The following DLC1 variants were observed in gnomAD, a reference collection of about 807,000 sequenced individuals.
The protein encoded by DLC1 is rho GTPase-activating protein 7.
Under a neutral mutation model 140.3 loss-of-function variants are expected in DLC1, and 54 were observed. The ratio of observed to expected loss-of-function variants is 0.38; its 90% CI spans 0.31 to 0.48. The LOEUF (loss-of-function observed/expected upper bound fraction) is 0.48, where lower values mean the gene tolerates loss of function less well. DLC1 is among the 20% of genes least tolerant of loss of function. The pLI, the probability that DLC1 is intolerant of heterozygous loss-of-function variation, is 0.96. For synonymous variants in DLC1, 986 were observed against 728.1 expected (o/e 1.35, Z -5.70); for missense variants, 2,536 against 1,907.0 (o/e 1.33, Z -6.14).
At chr8:13,579,369 A>T (rs1563454138) in intron 1 of DLC1, among the ~76,000 whole-genome samples, 10 of 59,864 alleles carry the variant, frequency 1.7e-4, no homozygotes, top group African/African-American at 6.0e-4. Flanking sequence ...ATATTTTTAT[A>T]TAATACATAT....
chr8:13,428,139 G>A (rs1838682367), intron 2 of DLC1, among the ~76,000 whole-genome samples: 1 of 152,120 alleles, frequency 6.6e-6, no homozygotes, highest in South Asian at 2.1e-4. Flanking sequence ...GGCGTGTGTT[G>A]TACTAGTGTA....
In DLC1 at chr8:13,443,845, A is replaced by C. The variant is rs777268174; in HGVS notation, c.1024-42226T>G. Among the ~76,000 whole-genome samples, 27 of 152,116 alleles carry C rather than the reference A, an allele frequency of 1.8e-4. 1 individual carries two copies. Among genetic ancestry groups the C allele is most frequent in the Non-Finnish European group, 3.8e-4 (26 of 68,014 alleles). ...ATTTTTATGGCATGTCTTTGCTATTAGGCGGCTGTGTTCCTAAAACAAACG... is the reference window on the plus strand; with the variant it reads ...ATTTTTATGGCATGTCTTTGCTATTCGGCGGCTGTGTTCCTAAAACAAACG... On this transcript the variant is annotated intron_variant, in intron 2 of 17. Transcript: ENST00000276297.
At chr8:13,214,557 C>CT (rs34727279) in intron 5 of DLC1, 154,530 of 574,668 alleles carry the variant, frequency 0.27, 12,745 homozygotes, top group East Asian at 0.4. Flanking sequence ...CCAACCCCAC[C>CT]TTTTTTTTTT....
rs1469940180 is a variant in DLC1, at chr8:13,567,315, A to G, written c.-126+37222T>C. The G allele has an allele frequency of 4.5e-6, 7 of 1,551,636 alleles. No individual in the cohort carries two copies. The African/African-American group carries it at 9.6e-5, about 21-fold the overall frequency. ...GGCACCAACCAGACACCAAACTTCCAACAGAAATCACTCGGGTATCAGATG... is the reference window on the plus strand; with the variant it reads ...GGCACCAACCAGACACCAAACTTCCGACAGAAATCACTCGGGTATCAGATG... On this transcript the variant is annotated intron_variant, in intron 1 of 1. Coordinates refer to the DLC1 transcript ENST00000631382.
chr8:13,443,760 C>A (rs1798652355), intron 2 of DLC1, among the ~76,000 whole-genome samples: 1 of 152,002 alleles, frequency 6.6e-6, no homozygotes, highest in Non-Finnish European at 1.5e-5. Flanking sequence ...ACAATACTTT[C>A]CCCAGGCTTT....
intron 4 of DLC1, among the ~76,000 whole-genome samples, chr8:13,365,145 C>T (rs930756671): frequency 1.3e-5 from 2 of 152,210 alleles, no homozygotes; most frequent in East Asian, 1.9e-4. Context: ...GTCACAACCT[C>T]TATCCTGTTA....
chr8:13,387,169 A>G (rs932913284), intron 4 of DLC1, among the ~76,000 whole-genome samples: 9 of 152,032 alleles, frequency 5.9e-5, no homozygotes, highest in Admixed American at 3.9e-4. Flanking sequence ...AGCTAATAAT[A>G]ACATATGTGA....
chr8:13,523,350 A>G (rs1300231736), intron 1 of DLC1, among the ~76,000 whole-genome samples: 4 of 152,212 alleles, frequency 2.6e-5, no homozygotes, highest in African/African-American at 9.6e-5. Flanking sequence ...AGCAACTGAA[A>G]GATGGAGTCA....
Position 13,327,264 on chromosome 8 carries a change from C to A in DLC1, c.1315-21962G>T, listed in dbSNP as rs187437321. ...CTGGGATTACAGGCGTGAGCCACTGCGCCCGGCCCCACTTGCAGTTTTAGG... is the reference window on the plus strand; with the variant it reads ...CTGGGATTACAGGCGTGAGCCACTGAGCCCGGCCCCACTTGCAGTTTTAGG... On this transcript the variant is annotated intron_variant, in intron 4 of 17. Transcript: ENST00000276297. Among the ~76,000 whole-genome samples, 508 of 151,702 alleles carry A rather than the reference C, an allele frequency of 3.3e-3. 4 individuals are homozygous for A. The highest frequency in any genetic ancestry group is 6.8e-3 in the Middle Eastern group (2 of 292).
chr8:13,426,777 T>TTA (rs200569251), intron 2 of DLC1, among the ~76,000 whole-genome samples: 2 of 150,412 alleles, frequency 1.3e-5, no homozygotes, highest in Admixed American at 6.6e-5. Context: ...TGCCTCGTTC[T>TTA]TATATATATA....
In DLC1 at chr8:13,587,581, A is replaced by T. The variant is rs556135504; in HGVS notation, c.-126+16956T>A. 5.7e-3 allele frequency among the ~76,000 whole-genome samples: 753 copies of T among 132,092 alleles called. 2 individuals are homozygous for T. The highest frequency in any genetic ancestry group is 0.02 in the Middle Eastern group (5 of 252). 86.7% of individuals were successfully genotyped at this position (132,092 alleles called of 152,430 possible). On this transcript the variant is annotated intron_variant, in intron 1 of 1. Transcript: ENST00000631382. ...CACACACACACACAGAGAGAGAGAA[A>T]ATATATATATATATACATTGCATAT...
At position 13,083,710 on chromosome 8, in the gene DLC1, A is replaced by C. The variant is rs1817328619; in HGVS notation, c.*2101T>G. 1 of 152,640 alleles carries C rather than the reference A, an allele frequency of 6.6e-6. No homozygotes were observed. Among genetic ancestry groups the C allele is most frequent in the East Asian group, 1.9e-4 (1 of 5,188 alleles). The allele number at this position is 152,640 out of a possible 1,614,324, so 9.5% of individuals were successfully genotyped here. A position where few individuals can be genotyped will look rare whatever the true frequency, so the allele number is the denominator to read the frequency against. ...CCTAACTGGACCTTTGTTGGAGAGA[A>C]TCTCCGTGCTTCCTGAACCTTCACC... On this transcript the variant is annotated 3_prime_UTR_variant, in exon 18 of 18. Coordinates refer to ENST00000276297, the MANE Select transcript of DLC1 (RefSeq NM_182643.3).
intron 1 of DLC1, among the ~76,000 whole-genome samples, chr8:13,579,025 CA>C (rs925992432): frequency 6.6e-6 from 1 of 151,540 alleles, no homozygotes; most frequent in Non-Finnish European, 1.5e-5. Context: ...CAGAAGCCCA[CA>C]AGCAATCACT....
chr8:13,154,705 G>A (rs917248670), intron 5 of DLC1, among the ~76,000 whole-genome samples: 2 of 152,208 alleles, frequency 1.3e-5, no homozygotes, highest in African/African-American at 4.8e-5. Context: ...GCTGAGGCCT[G>A]AGGAGGCGCC....
chr8:13,557,119 C>T lies in DLC1; in HGVS notation c.-126+47418G>A, dbSNP rs527495788. ...GGGAACTCTGAATGTTATTCTATTT[C>T]TAGGGAATTTCAGTGGCTTAATCAA... On this transcript the variant is annotated intron_variant, in intron 1 of 1. Transcript: ENST00000631382. Among the ~76,000 whole-genome samples the T allele has an allele frequency of 3.9e-5, 6 of 152,280 alleles. No homozygotes were observed. In the South Asian group the frequency reaches 1.2e-3, roughly 32 times the overall value.
chr8:13,226,860 C>T (rs1479867602), intron 5 of DLC1, among the ~76,000 whole-genome samples: 1 of 152,126 alleles, frequency 6.6e-6, no homozygotes, highest in South Asian at 2.1e-4. Flanking sequence ...GTAGATTGTC[C>T]TGGGTATAGC....
At chr8:13,597,697 A>T (rs1448295125) in intron 1 of DLC1, among the ~76,000 whole-genome samples, 1 of 152,088 alleles carries the variant, frequency 6.6e-6, no homozygotes, top group Non-Finnish European at 1.5e-5. Flanking sequence ...TGACATTATG[A>T]TACAGAAAAT....
intron 4 of DLC1, among the ~76,000 whole-genome samples, chr8:13,326,060 C>T (rs1355253333): frequency 6.6e-6 from 1 of 151,994 alleles, no homozygotes; most frequent in Non-Finnish European, 1.5e-5. Context: ...AAATAAATAC[C>T]ATATAGGTTT....
At position 13,404,503 on chromosome 8, in the gene DLC1, T is replaced by C. The variant is rs1837438155; in HGVS notation, c.1024-2884A>G. Among the ~76,000 whole-genome samples the C allele has an allele frequency of 2.0e-5, 3 of 152,168 alleles. No individual in the cohort carries two copies. In the South Asian group the frequency reaches 6.2e-4, roughly 31 times the overall value. On this transcript the variant is annotated intron_variant, in intron 2 of 17. Transcript: ENST00000276297. Reference sequence around the variant, plus strand: ...TTGAATAGAAACATTGATAGTTACATATATAGTTATAATTATGGTTTAGTC... The same window carrying C: ...TTGAATAGAAACATTGATAGTTACACATATAGTTATAATTATGGTTTAGTC...
Sources: gnomAD v4.1 joint callset for allele counts (sites outside exome capture counted in the v4.1 genomes callset) on GRCh38, gnomAD v4.1.1 for gene constraint, MANE v1.5 for transcripts, NCBI Gene and HGNC (gene_info 2026-07-23, HGNC 2026-07-21) for gene names.